Variants in LDB2 observed in about 807,000 individuals in gnomAD.
The protein encoded by LDB2 is LIM domain binding 2, also known as LIM domain-binding protein 2.
A neutral mutation model predicts 44.3 loss-of-function variants in LDB2; 12 were observed. The ratio of observed to expected loss-of-function variants is 0.27; its 90% CI spans 0.17 to 0.44. LDB2 has a LOEUF of 0.44. LDB2 is among the 20% of genes least tolerant of loss of function. The pLI, the probability that LDB2 is intolerant of heterozygous loss-of-function variation, is 1.00. For missense variants in LDB2, 344 were observed against 473.5 expected (o/e 0.73, Z 2.54); for synonymous variants, 164 against 174.8 (o/e 0.94, Z 0.49).
intron 2 of LDB2, among the ~76,000 whole-genome samples, chr4:16,640,385 A>G (rs1443697817): frequency 6.6e-6 from 1 of 152,234 alleles, no homozygotes; most frequent in Non-Finnish European, 1.5e-5. Context: ...TAACTGAAAT[A>G]TGAAGGACCT....
chr4:16,830,163 G>A (rs950822252), intron 1 of LDB2, among the ~76,000 whole-genome samples: 2 of 152,080 alleles, frequency 1.3e-5, no homozygotes, highest in African/African-American at 2.4e-5. Flanking sequence ...ATATTGATAT[G>A]GTTTGGCTCT....
intron 5 of LDB2, among the ~76,000 whole-genome samples, chr4:16,523,354 C>G (rs1031059875): frequency 1.3e-5 from 2 of 152,112 alleles, no homozygotes; most frequent in Non-Finnish European, 2.9e-5. Flanking sequence ...GTAGAAGATT[C>G]ATTCTTACCG....
chr4:16,735,211 T>A (rs1368174708), intron 2 of LDB2, among the ~76,000 whole-genome samples: 1 of 152,108 alleles, frequency 6.6e-6, no homozygotes, highest in Non-Finnish European at 1.5e-5. Flanking sequence ...GTCTCCCCAA[T>A]GCTGCCCGCA....
intron 1 of LDB2, among the ~76,000 whole-genome samples, chr4:16,860,504 T>C (rs1356381591): frequency 2.0e-5 from 3 of 152,232 alleles, no homozygotes; most frequent in Non-Finnish European, 2.9e-5. Flanking sequence ...ACCAGCCATC[T>C]GCCTATACTT....
chr4:16,786,199 G>A (rs541207116), intron 1 of LDB2, among the ~76,000 whole-genome samples: 1 of 152,266 alleles, frequency 6.6e-6, no homozygotes, highest in African/African-American at 2.4e-5. Context: ...TCATAAGTCA[G>A]CCGATCTACC....
chr4:16,628,415 C>G (rs1408723862), intron 2 of LDB2, among the ~76,000 whole-genome samples: 1 of 152,066 alleles, frequency 6.6e-6, no homozygotes, highest in Non-Finnish European at 1.5e-5. Flanking sequence ...TACAGAGGGC[C>G]CTGGACTGAA....
intron 2 of LDB2, among the ~76,000 whole-genome samples, chr4:16,665,132 A>G (rs1391725008): frequency 6.6e-6 from 1 of 152,172 alleles, no homozygotes; most frequent in Non-Finnish European, 1.5e-5. Flanking sequence ...AAAAGAGTAA[A>G]AAGAACAGTG....
At chr4:16,686,760 A>T (rs1749350913) in intron 2 of LDB2, among the ~76,000 whole-genome samples, 1 of 152,200 alleles carries the variant, frequency 6.6e-6, no homozygotes, top group African/African-American at 2.4e-5. Flanking sequence ...TCAATGAGGA[A>T]TTGCTCAAAC....
intron 2 of LDB2, among the ~76,000 whole-genome samples, chr4:16,724,868 T>C (rs1759081792): frequency 6.6e-6 from 1 of 152,180 alleles, no homozygotes; most frequent in African/African-American, 2.4e-5. Context: ...CCAGTGCACA[T>C]ACACATTATT....
intron 1 of LDB2, among the ~76,000 whole-genome samples, chr4:16,805,663 T>C (rs1354147754): frequency 6.6e-6 from 1 of 152,192 alleles, no homozygotes; most frequent in African/African-American, 2.4e-5. Context: ...CAAGAGGCAA[T>C]TGGGAACCAC....
chr4:16,854,148 G>GA (rs1372264233), intron 1 of LDB2, among the ~76,000 whole-genome samples: 6 of 151,774 alleles, frequency 4.0e-5, no homozygotes, highest in East Asian at 1.9e-4. Flanking sequence ...GCTCTTGCCA[G>GA]AAAAAAACAA....
At chr4:16,608,206 C>CAAAAAAAAAAAAAAAAAAAAAAAAA in intron 2 of LDB2, among the ~76,000 whole-genome samples, 1 of 68,482 alleles carries the variant, frequency 1.5e-5, no homozygotes, top group Non-Finnish European at 3.0e-5. Context: ...CACACTTCTT[C>CAAAAAAAAAAAAAAAAAAAAAAAAA]AAAAAAAAAA....
chr4:16,774,997 T>C (rs188634375), intron 1 of LDB2, among the ~76,000 whole-genome samples: 1 of 152,314 alleles, frequency 6.6e-6, no homozygotes, highest in African/African-American at 2.4e-5. Flanking sequence ...GTGTATAACA[T>C]GTGCCTCAAA....
chr4:16,506,904 T>C (rs1719693406), intron 7 of LDB2: 1 of 152,176 alleles, frequency 6.6e-6, no homozygotes. Flanking sequence ...GAGATGCACT[T>C]TTTCTTATTT....
intron 2 of LDB2, among the ~76,000 whole-genome samples, chr4:16,692,630 A>C (rs556425909): frequency 2.0e-5 from 3 of 152,006 alleles, no homozygotes; most frequent in Non-Finnish European, 4.4e-5. Flanking sequence ...GAACCTCTTC[A>C]AGTTTGGAAT....
chr4:16,614,942 C>T (rs1321958806), intron 2 of LDB2, among the ~76,000 whole-genome samples: 20 of 148,934 alleles, frequency 1.3e-4, no homozygotes, highest in African/African-American at 4.4e-4. Context: ...TAGTGGCGGG[C>T]GCCTGTAGTC....
chr4:16,568,743 T>G (rs1745417796), intron 5 of LDB2, among the ~76,000 whole-genome samples: 1 of 152,244 alleles, frequency 6.6e-6, no homozygotes, highest in Non-Finnish European at 1.5e-5. Context: ...CTGTGATTAC[T>G]GTATTTTTGA....
intron 2 of LDB2, among the ~76,000 whole-genome samples, chr4:16,604,306 C>CATTA (rs1723328398): frequency 6.6e-6 from 1 of 152,008 alleles, no homozygotes; most frequent in African/African-American, 2.4e-5. Flanking sequence ...ACTGAATATT[C>CATTA]ATTAATATTA....
At chr4:16,628,245 T>C (rs1300728372) in intron 2 of LDB2, among the ~76,000 whole-genome samples, 1 of 152,168 alleles carries the variant, frequency 6.6e-6, no homozygotes, top group African/African-American at 2.4e-5. Flanking sequence ...CATCAGAATG[T>C]TGTTTTGCAA....
Sources: gnomAD v4.1 joint callset for allele counts (sites outside exome capture counted in the v4.1 genomes callset) on GRCh38, gnomAD v4.1.1 for gene constraint, MANE v1.5 for transcripts, NCBI Gene and HGNC (gene_info 2026-07-23, HGNC 2026-07-21) for gene names.